Variants in TMEM178B observed in about 807,000 individuals in gnomAD.
TMEM178B encodes the protein transmembrane protein 178B.
A neutral mutation model predicts 31.0 loss-of-function variants in TMEM178B; 5 were observed. That is an observed-to-expected ratio of 0.16 (90% CI 0.08 to 0.34). The LOEUF (loss-of-function observed/expected upper bound fraction) is 0.34. Among genes scored for constraint, TMEM178B ranks in the 10% least tolerant of loss-of-function variants. The pLI, the probability that TMEM178B is intolerant of heterozygous loss-of-function variation, is 1.00. For synonymous variants in TMEM178B, 164 were observed against 164.0 expected, an observed-to-expected ratio of 1.00 and a Z score of 0.00; for missense variants, 275 against 400.3, an observed-to-expected ratio of 0.69 and a Z score of 2.67.
At chr7:141,379,979 A>G (rs1450597447) in intron 2 of TMEM178B, among the ~76,000 whole-genome samples, 3 of 152,242 alleles carry the variant, frequency 2.0e-5, no homozygotes, top group Non-Finnish European at 2.9e-5. Context: ...ACAGAATTTT[A>G]CATTGAATGG....
chr7:141,097,568 A>C lies in TMEM178B; in HGVS notation c.382+22876A>C, dbSNP rs143713910. 1.4e-3 allele frequency among the ~76,000 whole-genome samples: 218 copies of C among 152,128 alleles called. 1 individual carries two copies. The highest frequency in any genetic ancestry group is 4.9e-3 in the African/African-American group (205 of 41,512). On this transcript the variant is annotated intron_variant, in intron 1 of 3. Coordinates refer to ENST00000565468, the MANE Select transcript of TMEM178B (RefSeq NM_001195278.2). ...CCTGGTTACTATTCAAAAATTGAAG[A>C]GAATCAGTCCACCTTGACCCATTTT...
rs555341263 is a variant in TMEM178B at position 141,101,796 on chromosome 7, G to T, written c.382+27104G>T. ...CCAGTGTGTAGTGAGCTGAAGCCCT[G>T]CTCTTCATGAATTAGCCAGTGCAAA... On this transcript the variant is annotated intron_variant, in intron 1 of 3. Transcript: ENST00000565468. Among the ~76,000 whole-genome samples the T allele has an allele frequency of 8.5e-5, 13 of 152,246 alleles. No homozygotes were observed. The South Asian group carries it at 2.5e-3, about 29-fold the overall frequency.
At chr7:141,090,388 T>C (rs1794862216) in intron 1 of TMEM178B, among the ~76,000 whole-genome samples, 1 of 152,136 alleles carries the variant, frequency 6.6e-6, no homozygotes. Context: ...CATATCCAAC[T>C]ATTTCCTCAG....
intron 2 of TMEM178B, chr7:141,414,863 ATTAT>A (rs1323434976): frequency 6.6e-6 from 1 of 152,148 alleles, no homozygotes; most frequent in African/African-American, 2.4e-5. Context: ...TGTGTGCGTT[ATTAT>A]TTATTCTATT....
At chr7:141,305,240 A>G (rs1320651387) in intron 2 of TMEM178B, among the ~76,000 whole-genome samples, 3 of 152,212 alleles carry the variant, frequency 2.0e-5, no homozygotes, top group African/African-American at 7.2e-5. Flanking sequence ...AACCCTAGTA[A>G]TAGTAGTAAA....
At chr7:141,095,224 G>T (rs1794938446) in intron 1 of TMEM178B, among the ~76,000 whole-genome samples, 1 of 152,208 alleles carries the variant, frequency 6.6e-6, no homozygotes. Context: ...ACAGGTGCAA[G>T]TTAGTGGAGC....
At chr7:141,375,995 GC>G (rs1800206760) in intron 2 of TMEM178B, among the ~76,000 whole-genome samples, 1 of 152,216 alleles carries the variant, frequency 6.6e-6, no homozygotes, top group Admixed American at 6.5e-5. Flanking sequence ...CCTAAGTTGT[GC>G]CAGTCCTTTG....
At chr7:141,341,953 T>G (rs1799523486) in intron 2 of TMEM178B, among the ~76,000 whole-genome samples, 1 of 152,088 alleles carries the variant, frequency 6.6e-6, no homozygotes, top group Non-Finnish European at 1.5e-5. Flanking sequence ...AAATACAACT[T>G]TTTTTCTTTT....
At chr7:141,386,694 C>T (rs1800436917) in intron 2 of TMEM178B, among the ~76,000 whole-genome samples, 2 of 152,152 alleles carry the variant, frequency 1.3e-5, no homozygotes, top group African/African-American at 4.8e-5. Context: ...GATCTTCTTC[C>T]AAACACTGCG....
chr7:141,277,954 A>G (rs1798292982), intron 2 of TMEM178B, among the ~76,000 whole-genome samples: 1 of 152,230 alleles, frequency 6.6e-6, no homozygotes, highest in South Asian at 2.1e-4. Context: ...ATCTTGTTGG[A>G]GAGATAAGAT....
At chr7:141,082,357 C>G (rs1047183733) in intron 1 of TMEM178B, among the ~76,000 whole-genome samples, 1 of 152,218 alleles carries the variant, frequency 6.6e-6, no homozygotes, top group Non-Finnish European at 1.5e-5. Context: ...AGGGCAGGAA[C>G]TGTTTAATGT....
At chr7:141,452,619 A>C (rs1043687630) in intron 3 of TMEM178B, among the ~76,000 whole-genome samples, 3 of 151,946 alleles carry the variant, frequency 2.0e-5, no homozygotes, top group African/African-American at 7.3e-5. Flanking sequence ...CTTGGTGGAA[A>C]TCTCTGTCCC....
intron 1 of TMEM178B, among the ~76,000 whole-genome samples, chr7:141,160,549 C>T (rs1796152943): frequency 6.6e-6 from 1 of 152,196 alleles, no homozygotes; most frequent in East Asian, 1.9e-4. Flanking sequence ...CCTCCCTAAC[C>T]TGCTGTCTGA....
At chr7:141,337,842 AT>A (rs536035652) in intron 2 of TMEM178B, among the ~76,000 whole-genome samples, 194 of 146,560 alleles carry the variant, frequency 1.3e-3, no homozygotes, top group African/African-American at 2.9e-3. Context: ...AAATGGTTTG[AT>A]TTTTTTTTTT....
chr7:141,159,390 T>C (rs1796129983), intron 1 of TMEM178B, among the ~76,000 whole-genome samples: 1 of 152,198 alleles, frequency 6.6e-6, no homozygotes, highest in Non-Finnish European at 1.5e-5. Flanking sequence ...AACAGTATGG[T>C]AGCTCCCCCA....
chr7:141,265,163 C>T (rs1472996975), intron 2 of TMEM178B, among the ~76,000 whole-genome samples: 1 of 152,170 alleles, frequency 6.6e-6, no homozygotes, highest in African/African-American at 2.4e-5. Context: ...AACAGGGCTT[C>T]GCAGGTAGAG....
chr7:141,354,312 G>A (rs1799782598), intron 2 of TMEM178B, among the ~76,000 whole-genome samples: 2 of 152,204 alleles, frequency 1.3e-5, no homozygotes. Context: ...CTCAAAGAAT[G>A]TTAAAGAACT....
intron 2 of TMEM178B, among the ~76,000 whole-genome samples, chr7:141,261,640 C>T (rs1243125359): frequency 6.6e-6 from 1 of 152,102 alleles, no homozygotes; most frequent in Non-Finnish European, 1.5e-5. Context: ...ACAACTTCCC[C>T]AGACTGAGCT....
intron 2 of TMEM178B, among the ~76,000 whole-genome samples, chr7:141,423,136 T>A (rs1409963621): frequency 6.6e-6 from 1 of 152,142 alleles, no homozygotes; most frequent in African/African-American, 2.4e-5. Flanking sequence ...GCCTTCCAGG[T>A]TCAAGTGATT....
Sources: gnomAD v4.1 joint callset for allele counts (sites outside exome capture counted in the v4.1 genomes callset) on GRCh38, gnomAD v4.1.1 for gene constraint, MANE v1.5 for transcripts, NCBI Gene and HGNC (gene_info 2026-07-23, HGNC 2026-07-21) for gene names.